LZTFL1: variants seen among roughly 807,000 people sequenced by gnomAD.
The protein encoded by LZTFL1 is leucine zipper transcription factor-like protein 1.
In LZTFL1, 25 loss-of-function variants were observed where a neutral mutation model predicts 45.9. That is an observed-to-expected ratio of 0.54 (90% CI 0.40 to 0.76). The LOEUF (loss-of-function observed/expected upper bound fraction) is 0.76, where lower values mean the gene tolerates loss of function less well. Among genes scored for constraint, LZTFL1 ranks in the 30% least tolerant of loss-of-function variants. The pLI is 0.00. For synonymous variants in LZTFL1, 93 were observed against 117.4 expected (o/e 0.79, Z 1.35); for missense variants, 277 against 331.1 (o/e 0.84, Z 1.27).
upstream of LZTFL1, chr3:45,842,295 A>G (rs1235228895): frequency 1.3e-6 from 1 of 766,970 alleles, no homozygotes; most frequent in Non-Finnish European, 2.0e-6. Flanking sequence ...CTGCAGTTGC[A>G]GAAGGTAGCG....
chr3:45,915,003 G>T (rs1222529251), intron 1 of LZTFL1, among the ~76,000 whole-genome samples: 1 of 152,068 alleles, frequency 6.6e-6, no homozygotes, highest in Non-Finnish European at 1.5e-5. Context: ...GTGAAAGCAT[G>T]CAGGGCCCTG....
chr3:45,866,159 CA>C (rs1264760422), intron 2 of LZTFL1, among the ~76,000 whole-genome samples: 1 of 152,112 alleles, frequency 6.6e-6, no homozygotes, highest in Admixed American at 6.6e-5. Context: ...GAAGGAAGAA[CA>C]AATGGGTCCA....
chr3:45,875,972 C>A (rs1701744234), intron 2 of LZTFL1, among the ~76,000 whole-genome samples: 1 of 152,222 alleles, frequency 6.6e-6, no homozygotes, highest in Non-Finnish European at 1.5e-5. Flanking sequence ...CCAGCTACCA[C>A]TACTGTGTGA....
intron 5 of LZTFL1, 94 bp downstream of exon 5, chr3:45,832,956 G>A: frequency 1.1e-6 from 1 of 894,520 alleles, no homozygotes; most frequent in South Asian, 1.4e-5. Context: ...TATCCTCAGA[G>A]GACCTGAAAC....
chr3:45,881,361 G>A (rs770431346), intron 2 of LZTFL1, among the ~76,000 whole-genome samples: 4 of 152,142 alleles, frequency 2.6e-5, no homozygotes, highest in Non-Finnish European at 5.9e-5. Context: ...AGATACCCAA[G>A]TCTTCCCACA....
chr3:45,907,480 C>G (rs1248925830), intron 2 of LZTFL1, among the ~76,000 whole-genome samples: 1 of 152,234 alleles, frequency 6.6e-6, no homozygotes, highest in African/African-American at 2.4e-5. Context: ...AGACTCTCCA[C>G]TTTCTAGACC....
intron 9 of LZTFL1, 147 bp from the exon 10 acceptor site, chr3:45,826,479 G>C: frequency 1.4e-6 from 1 of 699,876 alleles, no homozygotes; most frequent in East Asian, 2.6e-5. Context: ...TGTTTTGATG[G>C]TGACTCAGAG....
At position 45,900,979 on chromosome 3, in the gene LZTFL1, T is replaced by C. The variant is rs549489856; in HGVS notation, c.-215+12141A>G. 9 of 1,614,224 alleles carry C rather than the reference T, an allele frequency of 5.6e-6. No individual in the cohort carries two copies. The highest frequency in any genetic ancestry group is 5.3e-5 in the African/African-American group (4 of 75,056). On this transcript the variant is annotated intron_variant, in intron 2 of 4. Coordinates refer to the LZTFL1 transcript ENST00000472635. The surrounding 1 kb of genome is among the most constrained non-coding windows in gnomAD (Gnocchi z 4.7). ...TGGCTCGTGTTCATCGTGGGTGCCT[T>C]GGGCAACAGTCTTGTTATCCTTGTC... is the stretch of plus-strand genomic sequence containing the variant.
At chr3:45,865,205 T>C (rs1044815666) in intron 2 of LZTFL1, among the ~76,000 whole-genome samples, 9 of 152,202 alleles carry the variant, frequency 5.9e-5, no homozygotes, top group Non-Finnish European at 1.2e-4. Flanking sequence ...GCTTCTCTAA[T>C]TGTCACATGA....
intron 1 of LZTFL1, among the ~76,000 whole-genome samples, chr3:45,840,349 T>C (rs944065905): frequency 2.6e-5 from 4 of 152,202 alleles, no homozygotes; most frequent in African/African-American, 7.2e-5. Flanking sequence ...TATGTATCTA[T>C]GTCAAATCAT....
chr3:45,871,013 T>C (rs2125716413), intron 2 of LZTFL1, among the ~76,000 whole-genome samples: 1 of 152,376 alleles, frequency 6.6e-6, no homozygotes, highest in South Asian at 2.1e-4. Flanking sequence ...GGGAATCTTT[T>C]CATGTTAGTA....
intron 2 of LZTFL1, chr3:45,883,906 C>T: frequency 2.0e-6 from 1 of 489,374 alleles, no homozygotes; most frequent in Non-Finnish European, 3.9e-6. Flanking sequence ...TGACAATCCT[C>T]TCACTAGTCC....
rs936475576 is a variant in LZTFL1 at position 45,868,176 on chromosome 3, A to AAT, written c.-214-9162_-214-9161dup. On this transcript the variant is annotated intron_variant, in intron 2 of 4. Transcript: ENST00000472635. The stretch of plus-strand genomic sequence containing the variant: ...ACCCTAGAACTTAAAGTATAATAAA[A>AAT]ATATATATATATATAAATTTTTAAA... 1.5e-3 allele frequency among the ~76,000 whole-genome samples: 145 copies of AAT among 98,584 alleles called. 1 individual carries two copies. Among genetic ancestry groups the AAT allele is most frequent in the African/African-American group, 3.3e-3 (96 of 29,140 alleles). The allele number at this position is 98,584 out of a possible 152,430, so 64.7% of individuals were successfully genotyped here.
rs1559421611 is a variant in LZTFL1, at chr3:45,890,337, C to CATATATATTTATATAA, written c.-215+22782_-215+22783insTTATATAAATATATAT. The stretch of plus-strand genomic sequence containing the variant: ...TATATTTATATAAATATATATATAA[C>CATATATATTTATATAA]ATATATATATAACATATATATATAT... On this transcript the variant is annotated intron_variant, in intron 2 of 4. Transcript: ENST00000472635. Among the ~76,000 whole-genome samples, 184 of 63,150 alleles carry CATATATATTTATATAA rather than the reference C, an allele frequency of 2.9e-3. 65 individuals carry two copies. The highest frequency in any genetic ancestry group is 0.02 in the African/African-American group (162 of 7,974). The allele number at this position is 63,150 out of a possible 152,430, so 41.4% of individuals were successfully genotyped here.
intron 2 of LZTFL1, among the ~76,000 whole-genome samples, chr3:45,868,451 C>T (rs938444436): frequency 1.3e-5 from 2 of 152,080 alleles, no homozygotes; most frequent in Non-Finnish European, 2.9e-5. Context: ...CAGCATTTAG[C>T]AGAAATGTTT....
rs1265662699 is a variant in LZTFL1, at chr3:45,900,256, T to A, written c.-215+12864A>T. Among the ~76,000 whole-genome samples the A allele has an allele frequency of 1.3e-5, 2 of 152,132 alleles. No individual in the cohort carries two copies. The highest frequency in any genetic ancestry group is 2.9e-5 in the Non-Finnish European group (2 of 68,018). On this transcript the variant is annotated intron_variant, in intron 2 of 4. Coordinates refer to the LZTFL1 transcript ENST00000472635. The surrounding 1 kb of genome is among the most constrained non-coding windows in gnomAD (Gnocchi z 4.7). ...GTGTGTATGTAGGGTTGAGAGTGTC[T>A]GTGTGTGTATGTGTATGTGCATGTG...
chr3:45,879,131 G>A (rs966961570), intron 2 of LZTFL1, among the ~76,000 whole-genome samples: 14 of 152,168 alleles, frequency 9.2e-5, no homozygotes, highest in Admixed American at 4.6e-4. Context: ...TACTCTCACC[G>A]TATGATCTAG....
intron 3 of LZTFL1, among the ~76,000 whole-genome samples, chr3:45,857,441 T>C (rs1168525353): frequency 1.3e-5 from 2 of 152,222 alleles, no homozygotes; most frequent in African/African-American, 4.8e-5. Context: ...AGGTGATGGG[T>C]TGATAAGTGC....
chr3:45,901,597 A>G lies in LZTFL1; in HGVS notation c.-215+11523T>C. 6.2e-7 allele frequency: 1 copy of G among 1,614,172 alleles called. No homozygotes were observed. The highest frequency in any genetic ancestry group is 1.1e-5 in the South Asian group (1 of 91,082). ...GTCTTTGTCTTGTCTCAGTTTCCCT[A>G]CAACTGCATTTTGTTGGTGCAGACC... On this transcript the variant is annotated intron_variant, in intron 2 of 4. Coordinates refer to the LZTFL1 transcript ENST00000472635. The surrounding 1 kb of genome is among the most constrained non-coding windows in gnomAD (Gnocchi z 4.3).
Sources: allele counts gnomAD v4.1 joint callset (sites outside exome capture counted in the v4.1 genomes callset), GRCh38; gene constraint gnomAD v4.1.1; non-coding constraint Gnocchi (gnomAD v3.1); transcripts MANE v1.5; gene names NCBI Gene and HGNC (gene_info 2026-07-23, HGNC 2026-07-21).